Variants in MAF observed in about 807,000 individuals in gnomAD.
MAF encodes transcription factor Maf.
MAF carries 10 observed loss-of-function variants against 22.0 expected under a neutral mutation model. The ratio of observed to expected loss-of-function variants is 0.45; its 90% CI spans 0.28 to 0.77. The LOEUF (loss-of-function observed/expected upper bound fraction) is 0.77, where lower values mean the gene tolerates loss of function less well. Among genes scored for constraint, MAF ranks in the 30% least tolerant of loss-of-function variants. MAF has a pLI of 0.12. For synonymous variants in MAF, 337 were observed against 255.8 expected, an observed-to-expected ratio of 1.32 and a Z score of -3.03; for missense variants, 544 against 548.4, an observed-to-expected ratio of 0.99 and a Z score of 0.08.
At chr16:79,274,439 C>T in the MAF span, among the ~76,000 whole-genome samples, 1 of 152,200 alleles carries the variant, frequency 6.6e-6, no homozygotes, top group South Asian at 2.1e-4. Context: ...TAACAAGCTC[C>T]CCAAGGGGAC....
the MAF span, among the ~76,000 whole-genome samples, chr16:79,420,309 G>T: frequency 6.6e-6 from 1 of 152,150 alleles, no homozygotes; most frequent in African/African-American, 2.4e-5. Flanking sequence ...CGTGGGACAG[G>T]GCACCCACTC....
At chr16:79,255,392 A>G in the MAF span, among the ~76,000 whole-genome samples, 19 of 152,146 alleles carry the variant, frequency 1.2e-4, no homozygotes, top group African/African-American at 4.3e-4. Context: ...GGAGACAGCT[A>G]CCTCCTGTGT....
chr16:79,457,555 T>C, the MAF span, among the ~76,000 whole-genome samples: 1 of 152,130 alleles, frequency 6.6e-6, no homozygotes, highest in Non-Finnish European at 1.5e-5. Context: ...CTGACAATAG[T>C]GGAGCTATGA....
At chr16:79,254,220 G>T in the MAF span, among the ~76,000 whole-genome samples, 1 of 151,908 alleles carries the variant, frequency 6.6e-6, no homozygotes, top group Non-Finnish European at 1.5e-5. Flanking sequence ...AAAAATTTTT[G>T]ACATACTCCT....
At chr16:79,568,620 C>G in the MAF span, among the ~76,000 whole-genome samples, 1 of 152,298 alleles carries the variant, frequency 6.6e-6, no homozygotes, top group East Asian at 1.9e-4. Context: ...CATCCGGTTT[C>G]TGAGTCTTGG....
the MAF span, among the ~76,000 whole-genome samples, chr16:79,402,628 C>T: frequency 6.6e-6 from 1 of 152,202 alleles, no homozygotes; most frequent in East Asian, 1.9e-4. Flanking sequence ...AGCCCAGCTC[C>T]AGGGGAAAGG....
chr16:79,217,140 T>A, the MAF span, among the ~76,000 whole-genome samples: 9 of 152,202 alleles, frequency 5.9e-5, 1 homozygote. Flanking sequence ...CAGATGCTAT[T>A]TACTGAGCAT....
chr16:79,351,602 G>C, the MAF span, among the ~76,000 whole-genome samples: 2 of 152,068 alleles, frequency 1.3e-5, no homozygotes, highest in East Asian at 3.9e-4. Context: ...AGAGACCTCT[G>C]AATTCCAGAA....
the MAF span, among the ~76,000 whole-genome samples, chr16:79,503,184 TAA>T: frequency 1.3e-5 from 2 of 152,188 alleles, no homozygotes; most frequent in Non-Finnish European, 1.5e-5. Flanking sequence ...AAGATTTTAT[TAA>T]GTTTGTCCTT....
At chr16:79,213,813 A>G in the MAF span, among the ~76,000 whole-genome samples, 3 of 152,230 alleles carry the variant, frequency 2.0e-5, no homozygotes, top group African/African-American at 7.2e-5. Flanking sequence ...AGTTTATTTT[A>G]AGCCACTAAG....
chr16:79,205,436 T>G, the MAF span: 3 of 152,208 alleles, frequency 2.0e-5, no homozygotes, highest in South Asian at 6.2e-4. Flanking sequence ...AAGATCAACA[T>G]CTAAACACAT....
the MAF span, among the ~76,000 whole-genome samples, chr16:79,280,547 T>A: frequency 6.6e-6 from 1 of 152,206 alleles, no homozygotes; most frequent in Non-Finnish European, 1.5e-5. Context: ...CCATGAGGGA[T>A]CACTTGCATA....
intron 1 of MAF, chr16:79,586,024 C>A: frequency 3.4e-6 from 2 of 596,150 alleles, no homozygotes; most frequent in South Asian, 2.1e-5. Context: ...CTACAGGCAG[C>A]CTAACTATCT....
At chr16:79,230,730 G>A in the MAF span, among the ~76,000 whole-genome samples, 1 of 152,072 alleles carries the variant, frequency 6.6e-6, no homozygotes, top group Non-Finnish European at 1.5e-5. Flanking sequence ...ATGATGGAGT[G>A]TGCTTTCTGA....
the MAF span, among the ~76,000 whole-genome samples, chr16:79,210,493 C>T: frequency 1.3e-5 from 2 of 152,150 alleles, no homozygotes; most frequent in African/African-American, 4.8e-5. Context: ...CCCCCACAAT[C>T]AAAGTTCCTT....
At chr16:79,514,027 G>C in the MAF span, among the ~76,000 whole-genome samples, 3 of 152,066 alleles carry the variant, frequency 2.0e-5, no homozygotes, top group African/African-American at 4.8e-5. Flanking sequence ...TTTAATATCT[G>C]TTCTCAGTGT....
At chr16:79,365,692 G>A in the MAF span, among the ~76,000 whole-genome samples, 2 of 152,158 alleles carry the variant, frequency 1.3e-5, no homozygotes, top group Non-Finnish European at 2.9e-5. Flanking sequence ...TGAATTGGCT[G>A]AGATCAAAAT....
chr16:79,479,787 G>A, the MAF span, among the ~76,000 whole-genome samples: 8 of 152,288 alleles, frequency 5.3e-5, 1 homozygote, highest in South Asian at 1.7e-3. Context: ...CTTTAATTCT[G>A]TATCTTGTTG....
At chr16:79,222,236 T>C in the MAF span, among the ~76,000 whole-genome samples, 2 of 152,168 alleles carry the variant, frequency 1.3e-5, no homozygotes, top group African/African-American at 4.8e-5. Context: ...CCAGCCAAAC[T>C]GAGTTTCATA....
Sources: gnomAD v4.1 joint callset for allele counts (sites outside exome capture counted in the v4.1 genomes callset) on GRCh38, gnomAD v4.1.1 for gene constraint, MANE v1.5 for transcripts, NCBI Gene and HGNC (gene_info 2026-07-23, HGNC 2026-07-21) for gene names.